RMC1: variants seen among roughly 807,000 people sequenced by gnomAD.
RMC1 encodes regulator of MON1-CCZ1.
RMC1 carries 44 observed loss-of-function variants against 95.5 expected under a neutral mutation model. That is an observed-to-expected ratio of 0.46 (90% CI 0.36 to 0.59). The LOEUF is 0.59. Among genes scored for constraint, RMC1 ranks in the 20% least tolerant of loss-of-function variants. The pLI is 0.00. For synonymous variants in RMC1, 320 were observed against 303.6 expected (o/e 1.05, Z -0.56); for missense variants, 705 against 819.6 (o/e 0.86, Z 1.71).
intron 7 of RMC1, among the ~76,000 whole-genome samples, chr18:23,516,727 CTTT>C (rs35162212): frequency 2.7e-5 from 2 of 73,942 alleles, no homozygotes; most frequent in Non-Finnish European, 2.9e-5. Flanking sequence ...ATTTCTTCTT[CTTT>C]TTTTTTTTTT....
At chr18:23,526,384 C>A (rs1232933309) in intron 12 of RMC1, among the ~76,000 whole-genome samples, 2 of 152,186 alleles carry the variant, frequency 1.3e-5, no homozygotes, top group Non-Finnish European at 2.9e-5. Flanking sequence ...CCCCTGAATG[C>A]AGAGGTTACT....
rs142586156 is a variant in RMC1, at chr18:23,520,267, C to T, written c.915C>T (p.Pro305=). ...EFDGSVTFHH[P]VLPARSIQPY... is the part of the protein sequence containing the mutation. ...ACGGCTCCGTTACCTTCCACCACCC[C>T]GTGCTTCCCGCTCGATCGATCCAGC... The change falls in exon 10 of 20, where the codon CCC becomes CCT. Residue 305 remains proline, a synonymous_variant. Transcript: ENST00000269221. 59 of 1,614,030 alleles carry T rather than the reference C, an allele frequency of 3.7e-5. No individual in the cohort carries two copies. In the African/African-American group the frequency reaches 6.7e-4, roughly 18 times the overall value.
chr18:23,512,620 T>C (rs1457317699), intron 5 of RMC1, among the ~76,000 whole-genome samples: 2 of 150,206 alleles, frequency 1.3e-5, no homozygotes, highest in Non-Finnish European at 3.0e-5. Context: ...TTTGTAGAGA[T>C]GAGGTCTTGC....
intron 6 of RMC1, 62 bp downstream of exon 6, chr18:23,516,058 T>C (rs1223104237): frequency 6.2e-7 from 1 of 1,607,844 alleles, no homozygotes; most frequent in Non-Finnish European, 8.5e-7. Flanking sequence ...TCCTGTAGCA[T>C]CCTAATGTGT....
At chr18:23,523,628 C>G (rs936146511) in intron 10 of RMC1, among the ~76,000 whole-genome samples, 7 of 149,578 alleles carry the variant, frequency 4.7e-5, no homozygotes, top group Non-Finnish European at 7.4e-5. Flanking sequence ...AAGGCTGAGG[C>G]AGGAGGACCA....
At chr18:23,507,155 T>C in intron 3 of RMC1, 101 bp downstream of exon 3, 1 of 797,934 alleles carries the variant, frequency 1.3e-6, no homozygotes, top group Non-Finnish European at 2.0e-6. Flanking sequence ...TTTTATTATC[T>C]TACTGTTGTG....
chr18:23,519,655 T>G (rs773317969), intron 9 of RMC1, among the ~76,000 whole-genome samples: 10 of 152,240 alleles, frequency 6.6e-5, no homozygotes, highest in Non-Finnish European at 7.3e-5. Flanking sequence ...GTCAGTTGAT[T>G]AAAGATAATT....
At chr18:23,525,970 T>A (rs141344730) in intron 12 of RMC1, among the ~76,000 whole-genome samples, 1 of 152,216 alleles carries the variant, frequency 6.6e-6, no homozygotes, top group East Asian at 1.9e-4. Context: ...ATCCACTGTA[T>A]GTATGTAATG....
chr18:23,509,551 A>C (rs1192250449), intron 5 of RMC1: 1 of 160,312 alleles, frequency 6.2e-6, no homozygotes, highest in Non-Finnish European at 1.3e-5. Flanking sequence ...TCTTTTTATT[A>C]TTTTATTTTA....
Position 23,526,696 on chromosome 18 carries a change from G to C in RMC1, c.1120G>C (p.Gly374Arg). 6.2e-7 allele frequency: 1 copy of C among 1,614,124 alleles called. No individual in the cohort carries two copies. The highest frequency in any genetic ancestry group is 8.5e-7 in the Non-Finnish European group (1 of 1,180,020). Residue 374 changes from glycine (G) to arginine (R), a missense_variant, in exon 13 of 20, where the codon GGA becomes CGA. Physicochemically the swap from Gly to Arg is moderately radical, Grantham distance 125 (BLOSUM62 -2). Transcript: ENST00000269221. ...CATAGTAAATCTCTTACCAGACAAA[G>C]GAAGACTCATGGACTTTCTCCTCCA... ...EPIVNLLPDKGRLMDFLLQRK... is the reference protein window; with the variant it reads ...EPIVNLLPDKRRLMDFLLQRK...
chr18:23,531,716 G>T lies in RMC1; in HGVS notation c.*12G>T, dbSNP rs2058515004. ...CTACAACATTCTGAAATCACTTGCTGTTTTTTTATATAAAAATGTGTACAA... is the reference window on the plus strand; with the variant it reads ...CTACAACATTCTGAAATCACTTGCTTTTTTTTTATATAAAAATGTGTACAA... On this transcript the variant is annotated 3_prime_UTR_variant, in exon 20 of 20. Transcript: ENST00000269221. The T allele has an allele frequency of 6.3e-7, 1 of 1,598,768 alleles. No individual in the cohort carries two copies. The highest frequency in any genetic ancestry group is 8.5e-7 in the Non-Finnish European group (1 of 1,176,176).
Position 23,505,095 on chromosome 18 carries a change from T to C in RMC1, c.179+648T>C, listed in dbSNP as rs559455600. On this transcript the variant is annotated intron_variant, in intron 2 of 19. Coordinates refer to ENST00000269221, the MANE Select transcript of RMC1 (RefSeq NM_013326.5). ...TTTTTTGAGAGGGAGCCTCCCTCTG[T>C]TCCCCAGGGTGGAGTGCAGTGGTGC... is the stretch of plus-strand genomic sequence containing the variant. 3.5e-4 allele frequency among the ~76,000 whole-genome samples: 54 copies of C among 152,254 alleles called. No homozygotes were observed. The South Asian group carries it at 8.7e-3, about 25-fold the overall frequency.
Position 23,509,246 on chromosome 18 carries a change from C to T in RMC1, c.375C>T (p.Val125=). Residue 125 remains valine, a synonymous_variant, in exon 5 of 20, where the codon GTC becomes GTT. Transcript: ENST00000269221. ...GFCWTSSTEI[V]FITDQGIEFY... ...GCTGGACTAGTTCAACTGAAATTGTCTTCATAACAGATCAAGGAATCGAAT... is the reference window on the plus strand; with the variant it reads ...GCTGGACTAGTTCAACTGAAATTGTTTTCATAACAGATCAAGGAATCGAAT... 2 of 1,457,904 alleles carry T rather than the reference C, an allele frequency of 1.4e-6. No individual in the cohort carries two copies. The highest frequency in any genetic ancestry group is 1.5e-5 in the African/African-American group (1 of 68,924). The allele number at this position is 1,457,904 out of a possible 1,614,324, so 90.3% of individuals were successfully genotyped here. A position where few individuals can be genotyped will look rare whatever the true frequency, so the allele number is the denominator to read the frequency against.
chr18:23,516,724 C>CTTT (rs1567920926), intron 7 of RMC1, among the ~76,000 whole-genome samples: 1 of 140,438 alleles, frequency 7.1e-6, no homozygotes, highest in Non-Finnish European at 1.6e-5. Flanking sequence ...AGAATTTCTT[C>CTTT]TTCTTTTTTT....
chr18:23,519,527 A>G lies in RMC1; in HGVS notation c.849+353A>G, dbSNP rs953462156. On this transcript the variant is annotated intron_variant, in intron 9 of 19. Transcript: ENST00000269221. ...AGCAAGATCCTGTCTCCGAAAAAAA[A>G]AAAAAATTGGCAAAATGTCTGAATA... Among the ~76,000 whole-genome samples the G allele has an allele frequency of 6.7e-4, 102 of 152,236 alleles. 1 individual carries two copies. Among genetic ancestry groups the G allele is most frequent in the South Asian group, 1.7e-3 (8 of 4,828 alleles).
rs148477145 is a variant in RMC1 at position 23,516,413 on chromosome 18, A to G, written c.643A>G (p.Met215Val). The change falls in exon 7 of 20, where the codon ATG (methionine) becomes GTG (valine). Residue 215 changes from methionine (M) to valine (V), a missense_variant. Transcript: ENST00000269221. ...KPSLSERDIAMATIYGQLYVL... is the reference protein window; with the variant it reads ...KPSLSERDIAVATIYGQLYVL... ...CAGCCTTTCCGAAAGAGACATCGCA[A>G]TGGCTACCATGTATGTCCGTGTCAG... 281 of 1,613,924 alleles carry G rather than the reference A, an allele frequency of 1.7e-4. No homozygotes were observed. Among genetic ancestry groups the G allele is most frequent in the Non-Finnish European group, 2.3e-4 (266 of 1,179,876 alleles).
intron 5 of RMC1, among the ~76,000 whole-genome samples, chr18:23,510,918 G>A (rs71409592): frequency 6.6e-6 from 1 of 152,186 alleles, no homozygotes; most frequent in Non-Finnish European, 1.5e-5. Context: ...ACAGTATGGC[G>A]ATTCCTCAGA....
chr18:23,515,105 C>T (rs1021456062), intron 5 of RMC1, among the ~76,000 whole-genome samples: 1 of 151,946 alleles, frequency 6.6e-6, no homozygotes, highest in African/African-American at 2.4e-5. Context: ...GGGAGGTGGC[C>T]GAGTTAACAC....
chr18:23,516,828 C>T (rs1045021142), intron 7 of RMC1, among the ~76,000 whole-genome samples: 6 of 150,348 alleles, frequency 4.0e-5, no homozygotes, highest in Non-Finnish European at 5.9e-5. Context: ...CAGGCTCAAA[C>T]GATTCTTCTG....
Sources: gnomAD v4.1 joint callset for allele counts (sites outside exome capture counted in the v4.1 genomes callset) on GRCh38, gnomAD v4.1.1 for gene constraint, MANE v1.5 for transcripts, NCBI Gene and HGNC (gene_info 2026-07-23, HGNC 2026-07-21) for gene names.